CFAP58: variants seen among roughly 807,000 people sequenced by gnomAD.
CFAP58 encodes the protein cilia and flagella associated protein 58.
CFAP58 carries 88 observed loss-of-function variants against 119.5 expected under a neutral mutation model. The ratio of observed to expected loss-of-function variants is 0.74; its 90% CI spans 0.62 to 0.88. The LOEUF (loss-of-function observed/expected upper bound fraction) is 0.88. Among genes scored for constraint, CFAP58 ranks in the 40% least tolerant of loss-of-function variants. The pLI, the probability that CFAP58 is intolerant of heterozygous loss-of-function variation, is 0.00. For missense variants in CFAP58, 990 were observed against 1,021.2 expected, an observed-to-expected ratio of 0.97 and a Z score of 0.42; for synonymous variants, 365 against 366.3, an observed-to-expected ratio of 1.00 and a Z score of 0.04.
the CFAP58 span, among the ~76,000 whole-genome samples, chr10:104,343,448 T>C: frequency 6.6e-6 from 1 of 152,228 alleles, no homozygotes; most frequent in Non-Finnish European, 1.5e-5. Context: ...AAGCATTTTA[T>C]ACCTACCAAC....
chr10:104,360,460 C>T (rs771014551), intron 2 of CFAP58, among the ~76,000 whole-genome samples: 6 of 130,730 alleles, frequency 4.6e-5, no homozygotes, highest in Non-Finnish European at 6.5e-5. Context: ...GCAAGAGGGG[C>T]GGGGGGGAGG....
chr10:104,376,902 G>A lies in CFAP58; in HGVS notation c.1173+9G>A. The A allele has an allele frequency of 6.3e-7, 1 of 1,584,012 alleles. No homozygotes were observed. The highest frequency in any genetic ancestry group is 8.7e-7 in the Non-Finnish European group (1 of 1,153,082). ...GGGACATACTAAATAAGGTGAGTGT[G>A]TTACAGTCACACTGGTAAATAAATG... On this transcript the variant is annotated intron_variant, in intron 8 of 17. Coordinates refer to ENST00000369704, the MANE Select transcript of CFAP58 (RefSeq NM_001008723.2).
At chr10:104,373,296 A>C (rs1174589937) in intron 7 of CFAP58, among the ~76,000 whole-genome samples, 1 of 152,134 alleles carries the variant, frequency 6.6e-6, no homozygotes, top group East Asian at 1.9e-4. Flanking sequence ...AAAAATATAA[A>C]TCTGTCCAAG....
chr10:104,383,336 G>C (rs755682562), intron 9 of CFAP58, among the ~76,000 whole-genome samples: 2 of 151,984 alleles, frequency 1.3e-5, no homozygotes, highest in Non-Finnish European at 1.5e-5. Flanking sequence ...AGCTTTTGGG[G>C]GCAAGGACTT....
At chr10:104,355,009 G>A (rs1380592809) in intron 1 of CFAP58, among the ~76,000 whole-genome samples, 1 of 151,508 alleles carries the variant, frequency 6.6e-6, no homozygotes, top group Non-Finnish European at 1.5e-5. Flanking sequence ...CCGTCTTCCC[G>A]TGGTCAACAC....
chr10:104,448,595 C>T lies in CFAP58; in HGVS notation c.2376+778C>T, dbSNP rs187888039. The stretch of plus-strand genomic sequence containing the variant: ...CTTCCTGCCCAATGAGGGTAATAAT[C>T]GTTGACTTTCTGCCTGGGGTAAAAT... On this transcript the variant is annotated intron_variant, in intron 16 of 17. Transcript: ENST00000369704. Among the ~76,000 whole-genome samples, 12 of 152,292 alleles carry T rather than the reference C, an allele frequency of 7.9e-5. No individual in the cohort carries two copies. The East Asian group carries it at 9.7e-4, about 12-fold the overall frequency.
rs139399097 is a variant in CFAP58 at position 104,354,474 on chromosome 10, A to G, written c.9+568A>G. ...TCACCCCACCACTCCCCCATATTAC[A>G]GTACACCCCATTTTCAGCCTCTCCA... On this transcript the variant is annotated intron_variant, in intron 1 of 17. Transcript: ENST00000369704. Among the ~76,000 whole-genome samples the G allele has an allele frequency of 2.2e-4, 34 of 151,918 alleles. No individual in the cohort carries two copies. The South Asian group carries it at 2.5e-3, about 11-fold the overall frequency.
At chr10:104,426,126 G>A (rs1048555177) in intron 15 of CFAP58, among the ~76,000 whole-genome samples, 10 of 152,148 alleles carry the variant, frequency 6.6e-5, no homozygotes. Context: ...CAGCTACTTG[G>A]GAGGCTGAGA....
At chr10:104,353,446 TG>T (rs537966445), upstream of CFAP58, 589 of 164,712 alleles carry the variant, frequency 3.6e-3, 3 homozygotes, top group Non-Finnish European at 5.5e-3. Context: ...CGGAACCTTC[TG>T]GTCCACATTT....
upstream of CFAP58, chr10:104,351,479 A>T (rs2014458745): frequency 6.6e-6 from 1 of 152,252 alleles, no homozygotes; most frequent in Non-Finnish European, 1.5e-5. Flanking sequence ...AAAAACCCAC[A>T]GTGACAAAAC....
At chr10:104,391,905 T>A (rs1352464763) in intron 9 of CFAP58, among the ~76,000 whole-genome samples, 2 of 152,030 alleles carry the variant, frequency 1.3e-5, no homozygotes, top group South Asian at 2.1e-4. Context: ...CCTGTGACTA[T>A]TTTTTTTCCC....
At chr10:104,450,664 C>T (rs931390436) in intron 17 of CFAP58, among the ~76,000 whole-genome samples, 12 of 137,298 alleles carry the variant, frequency 8.7e-5, no homozygotes, top group Non-Finnish European at 1.6e-4. Flanking sequence ...AGCAGTTCAC[C>T]TATGTTTTAT....
chr10:104,449,164 T>TG (rs1350183780), intron 16 of CFAP58, among the ~76,000 whole-genome samples: 2 of 103,878 alleles, frequency 1.9e-5, no homozygotes, highest in African/African-American at 5.7e-5. Flanking sequence ...GAGACAGGTT[T>TG]TTTTTTTTTT....
chr10:104,401,027 A>G (rs1247884650), intron 13 of CFAP58, 124 bp downstream of exon 13: 1 of 665,354 alleles, frequency 1.5e-6, no homozygotes, highest in South Asian at 2.1e-5. Flanking sequence ...TGAAGTTTAC[A>G]GGATGAAATT....
chr10:104,405,822 T>G (rs191969209), intron 14 of CFAP58, among the ~76,000 whole-genome samples: 1 of 152,246 alleles, frequency 6.6e-6, no homozygotes, highest in Non-Finnish European at 1.5e-5. Flanking sequence ...CATTCAAGAA[T>G]TCTAGGGGCT....
chr10:104,370,672 AT>A lies in CFAP58; in HGVS notation c.931-218del, dbSNP rs1169557599. Among the ~76,000 whole-genome samples, 5 of 152,320 alleles carry A rather than the reference AT, an allele frequency of 3.3e-5. No individual in the cohort carries two copies. The East Asian group carries it at 9.6e-4, about 29-fold the overall frequency. On this transcript the variant is annotated intron_variant, in intron 6 of 17. Coordinates refer to ENST00000369704, the MANE Select transcript of CFAP58 (RefSeq NM_001008723.2). ...AACAAAATTTTTCAGTGTTTTTATTATTTTTAGTTTATAAAAATATAAAACA... is the reference window on the plus strand; with the variant it reads ...AACAAAATTTTTCAGTGTTTTTATTATTTTAGTTTATAAAAATATAAAACA...
intron 15 of CFAP58, among the ~76,000 whole-genome samples, chr10:104,438,566 G>A (rs2012983214): frequency 6.6e-6 from 1 of 151,790 alleles, no homozygotes; most frequent in African/African-American, 2.4e-5. Flanking sequence ...TAGTAGAGAC[G>A]GGGTTTCACC....
intron 5 of CFAP58, 133 bp from the exon 6 acceptor site, chr10:104,368,290 G>T (rs2014777715): frequency 9.2e-6 from 7 of 757,462 alleles, no homozygotes; most frequent in Middle Eastern, 3.2e-4. Context: ...CGGGAATAAA[G>T]AACAATTTCT....
upstream of CFAP58, among the ~76,000 whole-genome samples, chr10:104,349,118 T>G (rs2014430420): frequency 6.6e-6 from 1 of 152,070 alleles, no homozygotes; most frequent in Admixed American, 6.5e-5. Context: ...TGTGGTGGTG[T>G]GCACCTGTAG....
Sources: allele counts gnomAD v4.1 joint callset (sites outside exome capture counted in the v4.1 genomes callset), GRCh38; gene constraint gnomAD v4.1.1; transcripts MANE v1.5; gene names NCBI Gene and HGNC (gene_info 2026-07-23, HGNC 2026-07-21).